DGKH: variants seen among roughly 807,000 people sequenced by gnomAD.
DGKH encodes DAG kinase eta.
DGKH carries 90 observed loss-of-function variants against 159.3 expected under a neutral mutation model. That is an observed-to-expected ratio of 0.57 (90% confidence interval 0.48 to 0.67). The LOEUF (loss-of-function observed/expected upper bound fraction) is 0.67. Among genes scored for constraint, DGKH ranks in the 30% least tolerant of loss-of-function variants. The pLI, the probability that DGKH is intolerant of heterozygous loss-of-function variation, is 0.00. For synonymous variants in DGKH, 536 were observed against 553.8 expected (o/e 0.97, Z 0.45); for missense variants, 1,181 against 1,506.1 (o/e 0.78, Z 3.57).
intron 18 of DGKH, among the ~76,000 whole-genome samples, chr13:42,199,004 T>A (rs906982992): frequency 2.0e-5 from 3 of 152,240 alleles, no homozygotes; most frequent in African/African-American, 7.2e-5. Context: ...CTACAATTTT[T>A]TGGCATTTCA....
At chr13:42,080,850 AT>A in intron 1 of DGKH, among the ~76,000 whole-genome samples, 1 of 152,046 alleles carries the variant, frequency 6.6e-6, no homozygotes, top group Non-Finnish European at 1.5e-5. Context: ...ACAGCTTTTT[AT>A]AAGATTTTAT....
chr13:42,120,609 A>G (rs1193183553), intron 1 of DGKH, among the ~76,000 whole-genome samples: 1 of 152,208 alleles, frequency 6.6e-6, no homozygotes, highest in East Asian at 1.9e-4. Flanking sequence ...CAAAGTTTAA[A>G]AGAATTATTA....
chr13:42,228,349 A>T (rs1282180430), intron 29 of DGKH, among the ~76,000 whole-genome samples: 1 of 152,168 alleles, frequency 6.6e-6, no homozygotes, highest in East Asian at 1.9e-4. Context: ...TGTTTAAGTA[A>T]TTTTTTACAC....
At chr13:42,228,542 A>C (rs183941897) in intron 29 of DGKH, among the ~76,000 whole-genome samples, 4 of 152,130 alleles carry the variant, frequency 2.6e-5, no homozygotes, top group Admixed American at 1.3e-4. Context: ...CCTTAGGACT[A>C]ATTGTGGGTG....
intron 3 of DGKH, among the ~76,000 whole-genome samples, chr13:42,153,182 T>A (rs1955958424): frequency 6.6e-6 from 1 of 152,252 alleles, no homozygotes; most frequent in South Asian, 2.1e-4. Context: ...AGTATATAAG[T>A]ACACATGGTT....
intron 7 of DGKH, among the ~76,000 whole-genome samples, chr13:42,164,328 T>A (rs1956262751): frequency 6.6e-6 from 1 of 152,214 alleles, no homozygotes; most frequent in Non-Finnish European, 1.5e-5. Context: ...TTCTTATACA[T>A]TTTAAAATTA....
chr13:42,137,123 C>G (rs1481567593), intron 3 of DGKH, among the ~76,000 whole-genome samples: 1 of 152,160 alleles, frequency 6.6e-6, no homozygotes, highest in Middle Eastern at 3.2e-3. Context: ...TTTACTTCAT[C>G]TCTCTCTTAG....
In DGKH at chr13:42,187,123, T is replaced by C. The variant is rs747814245; in HGVS notation, c.1613T>C (p.Val538Ala). 1 of 1,614,046 alleles carries C rather than the reference T, an allele frequency of 6.2e-7. No homozygotes were observed. Among genetic ancestry groups the C allele is most frequent in the South Asian group, 1.1e-5 (1 of 91,076 alleles). The stretch of plus-strand genomic sequence containing the variant: ...TATGACAAAACCTTGGAAAATGCCG[T>C]TGTAGCTGATGCCGTGGCCAGTAAA... Reference protein sequence around the residue: ...KTYDKTLENAVVADAVASKCS... With the variant: ...KTYDKTLENAAVADAVASKCS... The change falls in exon 14 of 30, where the codon GTT becomes GCT. Residue 538 changes from valine (V) to alanine (A), a missense_variant. Coordinates refer to ENST00000337343, the MANE Select transcript of DGKH (RefSeq NM_178009.5).
chr13:42,151,392 C>T (rs905780693), intron 3 of DGKH, among the ~76,000 whole-genome samples: 8 of 151,406 alleles, frequency 5.3e-5, no homozygotes, highest in East Asian at 2.0e-4. Flanking sequence ...TGAGTTATTT[C>T]GCTGAAGATT....
At chr13:42,125,992 T>A (rs1566114663) in intron 1 of DGKH, among the ~76,000 whole-genome samples, 1 of 152,090 alleles carries the variant, frequency 6.6e-6, no homozygotes, top group Non-Finnish European at 1.5e-5. Flanking sequence ...CTTTATTGAA[T>A]GCTGTATAAA....
intron 29 of DGKH, among the ~76,000 whole-genome samples, chr13:42,227,544 G>A (rs1422957780): frequency 6.6e-6 from 1 of 152,134 alleles, no homozygotes; most frequent in Non-Finnish European, 1.5e-5. Flanking sequence ...TTCAAATTTA[G>A]GTAGCAAGCA....
intron 3 of DGKH, among the ~76,000 whole-genome samples, chr13:42,142,298 G>A (rs1955583556): frequency 6.6e-6 from 1 of 152,096 alleles, no homozygotes; most frequent in South Asian, 2.1e-4. Flanking sequence ...GGTTACTGTA[G>A]CCTTGTAGTA....
chr13:42,178,132 C>A lies in DGKH; in HGVS notation c.1453-3C>A. 1 of 1,604,836 alleles carries A rather than the reference C, an allele frequency of 6.2e-7. No individual in the cohort carries two copies. ...ATACAGTGTAGAGTTTTCTTTTCTT[C>A]AGATGACGATTTATGAAGACTCAGT... On this transcript the variant is annotated splice_region_variant and splice_polypyrimidine_tract_variant and intron_variant, in intron 12 of 29. Transcript: ENST00000337343.
At chr13:42,109,805 C>A (rs1954828234) in intron 1 of DGKH, among the ~76,000 whole-genome samples, 1 of 152,120 alleles carries the variant, frequency 6.6e-6, no homozygotes, top group Non-Finnish European at 1.5e-5. Flanking sequence ...ACATTTGATT[C>A]TCTTCATTTC....
At chr13:42,095,075 A>T (rs1231355810) in intron 1 of DGKH, among the ~76,000 whole-genome samples, 1 of 149,880 alleles carries the variant, frequency 6.7e-6, no homozygotes, top group Non-Finnish European at 1.5e-5. Flanking sequence ...TTCCTGCTTT[A>T]TAATTTTTTC....
At chr13:42,052,259 T>C (rs1881379542) in intron 1 of DGKH, among the ~76,000 whole-genome samples, 2 of 152,210 alleles carry the variant, frequency 1.3e-5, no homozygotes, top group African/African-American at 4.8e-5. Flanking sequence ...CTCCATACAG[T>C]ATACTTTTTG....
intron 2 of DGKH, 111 bp downstream of exon 2, chr13:42,127,684 T>A: frequency 1.3e-6 from 1 of 760,312 alleles, no homozygotes; most frequent in Non-Finnish European, 2.2e-6. Flanking sequence ...TATGCTCTTA[T>A]ATGAATTCAA....
intron 18 of DGKH, among the ~76,000 whole-genome samples, chr13:42,199,313 T>G (rs1957289465): frequency 6.6e-6 from 1 of 152,194 alleles, no homozygotes; most frequent in Non-Finnish European, 1.5e-5. Flanking sequence ...ACTAAGATTT[T>G]GTTACAGTTA....
intron 12 of DGKH, 45 bp from the exon 13 acceptor site, chr13:42,178,089 TA>T: frequency 6.8e-7 from 1 of 1,468,068 alleles, no homozygotes; most frequent in Non-Finnish European, 9.3e-7. Context: ...GTGAGTTGTA[TA>T]AATGCCAGCA....
Sources: gnomAD v4.1 joint callset for allele counts (sites outside exome capture counted in the v4.1 genomes callset) on GRCh38, gnomAD v4.1.1 for gene constraint, MANE v1.5 for transcripts, NCBI Gene and HGNC (gene_info 2026-07-23, HGNC 2026-07-21) for gene names.